Variants in ABI3BP observed in about 807,000 individuals in gnomAD.
ABI3BP encodes target of Nesh-SH3.
A neutral mutation model predicts 268.6 loss-of-function variants in ABI3BP; 216 were observed. The observed-to-expected ratio is 0.80, with a 90% CI of 0.72 to 0.90. The LOEUF (loss-of-function observed/expected upper bound fraction) is 0.90, where lower values mean the gene tolerates loss of function less well. Among genes scored for constraint, ABI3BP ranks in the 40% least tolerant of loss-of-function variants. ABI3BP has a pLI of 0.00. For missense variants in ABI3BP, 2,090 were observed against 2,182.4 expected (o/e 0.96, Z 0.84); for synonymous variants, 730 against 730.0 (o/e 1.00, Z 0.00).
At chr3:100,956,170 C>CA (rs2076745908) in intron 1 of ABI3BP, among the ~76,000 whole-genome samples, 1 of 148,558 alleles carries the variant, frequency 6.7e-6, no homozygotes, top group African/African-American at 2.5e-5. Flanking sequence ...GCCTGGGCGA[C>CA]AGAGCAAGAC....
chr3:100,751,704 TTTACTTTC>T lies in ABI3BP; in HGVS notation c.5123-38_5123-31del, dbSNP rs769920021. ...AGAACCAGAAATTAAAAGGATAAAGTTTACTTTCTTACTTTGAAATGTGACAATTTTGA... is the reference window on the plus strand; with the variant it reads ...AGAACCAGAAATTAAAAGGATAAAGTTTACTTTGAAATGTGACAATTTTGA... On this transcript the variant is annotated intron_variant, in intron 66 of 67. Coordinates refer to ENST00000471714, the MANE Select transcript of ABI3BP (RefSeq NM_001375547.2). 3.9e-6 allele frequency: 6 copies of T among 1,555,654 alleles called. No individual in the cohort carries two copies. In the South Asian group the frequency reaches 7.2e-5, roughly 19 times the overall value.
chr3:100,920,938 T>C (rs2060034121), intron 2 of ABI3BP, among the ~76,000 whole-genome samples: 1 of 152,224 alleles, frequency 6.6e-6, no homozygotes, highest in African/African-American at 2.4e-5. Context: ...AAGTGAAGAC[T>C]GATCTTTCCT....
At position 100,822,632 on chromosome 3, in the gene ABI3BP, T is replaced by C. The variant is rs1255574961; in HGVS notation, c.2844A>G (p.Arg948=). The stretch of plus-strand genomic sequence containing the variant: ...CTTCAGGACGTGGTGTGGTTTTTGT[T>C]CTGAGACGTGGACGACGTGTCCGTT... ...TSQRTRRPRL[R]TKTTPRPEAP... The change falls in exon 38 of 68, where the codon AGA becomes AGG. Residue 948 remains arginine (R), a synonymous_variant. Coordinates refer to ENST00000471714, the MANE Select transcript of ABI3BP (RefSeq NM_001375547.2). 5 of 1,536,644 alleles carry C rather than the reference T, an allele frequency of 3.3e-6. No individual in the cohort carries two copies. The African/African-American group carries it at 6.8e-5, about 21-fold the overall frequency.
intron 14 of ABI3BP, among the ~76,000 whole-genome samples, chr3:100,861,138 G>C (rs1003443960): frequency 6.6e-6 from 1 of 152,166 alleles, no homozygotes; most frequent in Admixed American, 6.5e-5. Flanking sequence ...CTTAGATACA[G>C]TTTGAGGCTT....
chr3:100,832,392 C>T (rs1252311405), intron 30 of ABI3BP, 42 bp from the exon 31 acceptor site: 8 of 1,500,362 alleles, frequency 5.3e-6, no homozygotes, highest in Middle Eastern at 1.7e-4. Context: ...GCTGATGGCT[C>T]CATTCACTGT....
chr3:100,825,578 C>A (rs56105262), intron 35 of ABI3BP, among the ~76,000 whole-genome samples: 21,268 of 152,174 alleles, frequency 0.14, 1,923 homozygotes, highest in South Asian at 0.27. Context: ...TAAGCTCATG[C>A]CTGGCTCTCA....
intron 59 of ABI3BP, among the ~76,000 whole-genome samples, chr3:100,777,020 G>A (rs559544016): frequency 1.3e-5 from 2 of 152,262 alleles, no homozygotes; most frequent in African/African-American, 2.4e-5. Flanking sequence ...CTCCTAGCAA[G>A]GCCATGTCAC....
At chr3:100,864,250 T>C (rs1463464100) in intron 11 of ABI3BP, 174 bp from the exon 12 acceptor site, 4 of 606,156 alleles carry the variant, frequency 6.6e-6, no homozygotes, top group Admixed American at 2.7e-5. Flanking sequence ...AATATGAAGG[T>C]GTACATTCAA....
At chr3:100,891,581 T>C (rs1262040591) in intron 4 of ABI3BP, among the ~76,000 whole-genome samples, 2 of 151,776 alleles carry the variant, frequency 1.3e-5, no homozygotes, top group African/African-American at 2.4e-5. Flanking sequence ...TAGAGCAGAG[T>C]TTTGAACTCG....
Position 100,825,792 on chromosome 3 carries a change from T to G in ABI3BP, c.2655A>C (p.Thr885=). 2.0e-6 allele frequency: 3 copies of G among 1,535,526 alleles called. No homozygotes were observed. Among genetic ancestry groups the G allele is most frequent in the Non-Finnish European group, 2.6e-6 (3 of 1,146,388 alleles). Residue 885 remains threonine, a synonymous_variant, in exon 35 of 68, where the codon ACA becomes ACC. Transcript: ENST00000471714. ...TAATTGTAGGGTCGTTACCTAAGGTTGTTGCAGGGATCTCAGTTCTAAAAG... is the reference window on the plus strand; with the variant it reads ...TAATTGTAGGGTCGTTACCTAAGGTGGTTGCAGGGATCTCAGTTCTAAAAG... ...PVTFRTEIPA[T]TLATKTSKRT...
intron 1 of ABI3BP, among the ~76,000 whole-genome samples, chr3:100,953,502 ACT>A (rs1181069357): frequency 6.6e-6 from 1 of 152,178 alleles, no homozygotes; most frequent in Non-Finnish European, 1.5e-5. Flanking sequence ...CCAGGAGTTA[ACT>A]CTGACACACG....
At chr3:100,989,103 T>C (rs62275203) in intron 1 of ABI3BP, among the ~76,000 whole-genome samples, 15,746 of 152,214 alleles carry the variant, frequency 0.1, 1,107 homozygotes, top group Non-Finnish European at 0.15. Context: ...GGTGCCCTTA[T>C]AAAAAGTCTT....
intron 1 of ABI3BP, among the ~76,000 whole-genome samples, chr3:100,989,683 C>A (rs2092605573): frequency 6.6e-6 from 1 of 152,190 alleles, no homozygotes; most frequent in East Asian, 1.9e-4. Flanking sequence ...TAATTACAAT[C>A]TTCTGTATAC....
At position 100,862,391 on chromosome 3, in the gene ABI3BP, T is replaced by A; in HGVS notation, c.1211-6A>T. On this transcript the variant is annotated splice_polypyrimidine_tract_variant and splice_region_variant and intron_variant, in intron 13 of 67. Coordinates refer to ENST00000471714, the MANE Select transcript of ABI3BP (RefSeq NM_001375547.2). The stretch of plus-strand genomic sequence containing the variant: ...CCATGGCTTTTCACTTGAAGCTATA[T>A]TGAAAAGAAATGGAATTTGCTGAAG... The A allele has an allele frequency of 1.9e-6, 3 of 1,566,592 alleles. No individual in the cohort carries two copies. Among genetic ancestry groups the A allele is most frequent in the Non-Finnish European group, 2.6e-6 (3 of 1,160,266 alleles).
At chr3:100,852,724 G>C (rs1194953876) in intron 14 of ABI3BP, among the ~76,000 whole-genome samples, 2 of 152,180 alleles carry the variant, frequency 1.3e-5, no homozygotes, top group African/African-American at 2.4e-5. Context: ...ACAGCCATGA[G>C]CCTTTCTCGA....
At chr3:100,830,134 T>C (rs1397210614) in intron 32 of ABI3BP, among the ~76,000 whole-genome samples, 4 of 57,770 alleles carry the variant, frequency 6.9e-5, no homozygotes, top group African/African-American at 9.7e-5. Context: ...TATATATATA[T>C]ATATATATAT....
intron 1 of ABI3BP, among the ~76,000 whole-genome samples, chr3:100,965,074 G>A (rs577497826): frequency 6.6e-6 from 1 of 152,288 alleles, no homozygotes; most frequent in South Asian, 2.1e-4. Flanking sequence ...AGATAACTTT[G>A]GAGTGGAGCC....
rs1294685412 is a variant in ABI3BP at position 100,875,555 on chromosome 3, T to A, written c.770A>T (p.Asp257Val). ...KQVIQNVTHKDSAKSPEKAPL... is the reference protein window; with the variant it reads ...KQVIQNVTHKVSAKSPEKAPL... Reference sequence around the variant, plus strand: ...AGCTTTTTCTGGGGATTTAGCTGAATCCTTGTGAGTAACATTCTGAATCAC... The same window carrying A: ...AGCTTTTTCTGGGGATTTAGCTGAAACCTTGTGAGTAACATTCTGAATCAC... Residue 257 changes from aspartate (D) to valine (V), a missense_variant, in exon 8 of 68, where the codon GAT (aspartate) becomes GTT (valine). Asp to Val is a radical substitution (Grantham distance 152). Coordinates refer to ENST00000471714, the MANE Select transcript of ABI3BP (RefSeq NM_001375547.2). The A allele has an allele frequency of 1.2e-6, 2 of 1,613,284 alleles. No individual in the cohort carries two copies. Among genetic ancestry groups the A allele is most frequent in the African/African-American group, 2.7e-5 (2 of 74,900 alleles).
chr3:100,776,931 G>A (rs1189137067), intron 59 of ABI3BP, among the ~76,000 whole-genome samples: 1 of 152,166 alleles, frequency 6.6e-6, no homozygotes, highest in Non-Finnish European at 1.5e-5. Context: ...ATCACCCTGT[G>A]GCTCATCCAG....
Sources: gnomAD v4.1 joint callset for allele counts (sites outside exome capture counted in the v4.1 genomes callset) on GRCh38, gnomAD v4.1.1 for gene constraint, MANE v1.5 for transcripts, NCBI Gene and HGNC (gene_info 2026-07-23, HGNC 2026-07-21) for gene names.